The following ABITRAM variants were observed in gnomAD, a reference collection of about 807,000 sequenced individuals.
The protein encoded by ABITRAM is protein Abitram.
Under a neutral mutation model 22.9 loss-of-function variants are expected in ABITRAM, and 19 were observed. The observed-to-expected ratio is 0.83, with a 90% CI of 0.58 to 1.22. The LOEUF is 1.22. Ranked by LOEUF, ABITRAM falls within the 50% of genes most tolerant of loss-of-function variation. The pLI, the probability that ABITRAM is intolerant of heterozygous loss-of-function variation, is 0.00. For synonymous variants in ABITRAM, 70 were observed against 73.9 expected (o/e 0.95, Z 0.27); for missense variants, 215 against 220.2 (o/e 0.98, Z 0.15).
rs564527800 is a variant in ABITRAM, at chr9:108,938,693, G to A, written c.262-503G>A. 4.3e-4 allele frequency among the ~76,000 whole-genome samples: 57 copies of A among 131,378 alleles called. 1 individual carries two copies. The highest frequency in any genetic ancestry group is 1.4e-3 in the Admixed American group (16 of 11,536). 86.2% of individuals were successfully genotyped at this position (131,378 alleles called of 152,430 possible). ...CTAACACACTGGGGAATTACAAAGGGGGGGGGGGGAAAGAACAATATCCCT... is the reference window on the plus strand; with the variant it reads ...CTAACACACTGGGGAATTACAAAGGAGGGGGGGGGAAAGAACAATATCCCT... On this transcript the variant is annotated intron_variant, in intron 3 of 5. Coordinates refer to ENST00000322940, the MANE Select transcript of ABITRAM (RefSeq NM_017832.4).
intron 3 of ABITRAM, chr9:108,950,431 T>C (rs1830527315): frequency 6.9e-7 from 1 of 1,459,192 alleles, no homozygotes; most frequent in Non-Finnish European, 9.2e-7. Flanking sequence ...ATGGAAAATA[T>C]GATAAGGTAC....
At chr9:108,941,918 T>C (rs2132070120), downstream of ABITRAM, among the ~76,000 whole-genome samples, 1 of 152,338 alleles carries the variant, frequency 6.6e-6, no homozygotes, top group Middle Eastern at 3.4e-3. Flanking sequence ...TAAAGAAAGA[T>C]GTTTTTTGTT....
chr9:108,935,762 G>A (rs984461148), intron 2 of ABITRAM, 73 bp downstream of exon 2: 2 of 929,584 alleles, frequency 2.2e-6, no homozygotes, highest in Admixed American at 2.0e-5. Context: ...TGGTCTTGTG[G>A]TCTTGGATTG....
chr9:108,937,160 C>T (rs1454262903), intron 3 of ABITRAM, among the ~76,000 whole-genome samples: 2 of 151,964 alleles, frequency 1.3e-5, no homozygotes, highest in African/African-American at 2.4e-5. Context: ...ACCAAGACTC[C>T]GTCTCAAAAA....
Position 108,934,473 on chromosome 9 carries a change from C to T in ABITRAM, c.-14C>T, listed in dbSNP as rs1830132504. On this transcript the variant is annotated 5_prime_UTR_variant, in exon 1 of 6. Transcript: ENST00000322940. ...GGGTCCCGGAGGGCGGGGGTGGCGG[C>T]GCCGGAGGTCGCCATGGCTACCGAG... 6.3e-7 allele frequency: 1 copy of T among 1,591,152 alleles called. No individual in the cohort carries two copies. Among genetic ancestry groups the T allele is most frequent in the East Asian group, 2.3e-5 (1 of 43,098 alleles).
chr9:108,944,619 G>A (rs1307159216), downstream of ABITRAM, among the ~76,000 whole-genome samples: 1 of 152,168 alleles, frequency 6.6e-6, no homozygotes, highest in Non-Finnish European at 1.5e-5. Flanking sequence ...GTACAGGTAA[G>A]ACAGAAGTAT....
At chr9:108,942,954 A>G (rs1830286823), downstream of ABITRAM, 1 of 1,611,430 alleles carries the variant, frequency 6.2e-7, no homozygotes. Flanking sequence ...TAGAAAAACT[A>G]CCTCACCTTC....
rs1564114950 is a variant in ABITRAM, at chr9:108,936,325, TG to T, written c.151del (p.Ala51GlnfsTer42). The T allele has an allele frequency of 6.2e-7, 1 of 1,613,576 alleles. No individual in the cohort carries two copies. Among genetic ancestry groups the T allele is most frequent in the Non-Finnish European group, 8.5e-7 (1 of 1,179,868 alleles). On this transcript the variant is annotated frameshift_variant, in exon 3 of 6. Transcript: ENST00000322940. LOFTEE classifies it high-confidence loss of function. Reference protein sequence around the residue: ...QHSNRICVITLAESHPVLQSG... With the variant: ...QHSNRICVITXAESHPVLQSG... ...CCTTGTAGAATATGTGTCATCACATTGGCAGAATCTCATCCAGTTCTTCAAA... is the reference window on the plus strand; with the variant it reads ...CCTTGTAGAATATGTGTCATCACATTGCAGAATCTCATCCAGTTCTTCAAA...
At chr9:108,938,756 G>A (rs1042350494) in intron 3 of ABITRAM, among the ~76,000 whole-genome samples, 2 of 150,890 alleles carry the variant, frequency 1.3e-5, no homozygotes, top group Non-Finnish European at 2.9e-5. Context: ...TGGTAAATAA[G>A]TTCCTTTATC....
intron 2 of ABITRAM, 25 bp downstream of exon 2, chr9:108,935,714 T>C: frequency 6.3e-7 from 1 of 1,595,584 alleles, no homozygotes; most frequent in Non-Finnish European, 8.6e-7. Context: ...AATTTTAAAT[T>C]ATCAAAAATT....
In ABITRAM at chr9:108,935,653, T is replaced by G; in HGVS notation, c.95T>G (p.Phe32Cys). The G allele has an allele frequency of 6.2e-7, 1 of 1,613,460 alleles. No homozygotes were observed. The highest frequency in any genetic ancestry group is 1.1e-5 in the South Asian group (1 of 91,024). The change falls in exon 2 of 6, where the codon TTT becomes TGT. Residue 32 changes from phenylalanine to cysteine, a missense_variant. Physicochemically the swap from Phe to Cys is radical, Grantham distance 205. Coordinates refer to ENST00000322940, the MANE Select transcript of ABITRAM (RefSeq NM_017832.4). ...ATTCTTCTAGATGTCAAAGGAAAATTTTGTGAGGACCACTGTATACTACAG... is the reference window on the plus strand; with the variant it reads ...ATTCTTCTAGATGTCAAAGGAAAATGTTGTGAGGACCACTGTATACTACAG... ...RWYKPDVKGK[F>C]CEDHCILQHS...
At chr9:108,941,335 A>C (rs1304354669), downstream of ABITRAM, among the ~76,000 whole-genome samples, 1 of 152,194 alleles carries the variant, frequency 6.6e-6, no homozygotes, top group Non-Finnish European at 1.5e-5. Flanking sequence ...CACTTTAAGT[A>C]GCACAATGAC....
At chr9:108,943,968 T>A, downstream of ABITRAM, 1 of 1,613,284 alleles carries the variant, frequency 6.2e-7, no homozygotes. Context: ...TTACCTGTTT[T>A]GAAAAAGCTT....
At chr9:108,934,588 C>T in intron 1 of ABITRAM, 23 bp downstream of exon 1, 4 of 1,585,918 alleles carry the variant, frequency 2.5e-6, no homozygotes, top group Non-Finnish European at 3.4e-6. Flanking sequence ...TGATGTTGAT[C>T]CCTCCTTGGC....
At chr9:108,936,558 T>G (rs1471015221) in intron 3 of ABITRAM, 121 bp downstream of exon 3, 3 of 1,136,678 alleles carry the variant, frequency 2.6e-6, no homozygotes, top group East Asian at 2.4e-5. Flanking sequence ...CAGTTTGAGG[T>G]GCTAATTTTA....
At chr9:108,938,702 G>GGGA (rs1830219622) in intron 3 of ABITRAM, among the ~76,000 whole-genome samples, 1 of 134,722 alleles carries the variant, frequency 7.4e-6, no homozygotes, top group African/African-American at 2.8e-5. Flanking sequence ...GGGGGGGGGG[G>GGGA]AAAGAACAAT....
At chr9:108,938,692 G>T (rs72758377) in intron 3 of ABITRAM, among the ~76,000 whole-genome samples, 14 of 126,372 alleles carry the variant, frequency 1.1e-4, no homozygotes, top group Middle Eastern at 4.1e-3. Flanking sequence ...AATTACAAAG[G>T]GGGGGGGGGG....
intron 3 of ABITRAM, chr9:108,948,094 T>C: frequency 6.5e-6 from 9 of 1,394,894 alleles, no homozygotes; most frequent in Non-Finnish European, 9.0e-6. Context: ...TGTAAGCATA[T>C]ACACATGATA....
At chr9:108,942,815 C>T (rs1181333001), downstream of ABITRAM, 1 of 1,613,596 alleles carries the variant, frequency 6.2e-7, no homozygotes, top group Admixed American at 1.7e-5. Flanking sequence ...TGAGACCCAT[C>T]CGTTATTTTC....
Sources: gnomAD v4.1 joint callset for allele counts (sites outside exome capture counted in the v4.1 genomes callset) on GRCh38, gnomAD v4.1.1 for gene constraint, MANE v1.5 for transcripts, NCBI Gene and HGNC (gene_info 2026-07-23, HGNC 2026-07-21) for gene names.